The following DYNC1I1 variants were observed in gnomAD, a reference collection of about 807,000 sequenced individuals.
DYNC1I1 encodes cytoplasmic dynein 1 intermediate chain 1.
In DYNC1I1, 43 loss-of-function variants were observed where a neutral mutation model predicts 86.6. That is an observed-to-expected ratio of 0.50 (90% confidence interval 0.39 to 0.64). The LOEUF (loss-of-function observed/expected upper bound fraction) is 0.64. DYNC1I1 is among the 30% of genes least tolerant of loss of function. The pLI is 0.00. For synonymous variants in DYNC1I1, 262 were observed against 283.7 expected (o/e 0.92, Z 0.77); for missense variants, 604 against 788.8 (o/e 0.77, Z 2.81).
At chr7:96,004,562 T>G (rs1231079975) in intron 10 of DYNC1I1, among the ~76,000 whole-genome samples, 1 of 152,072 alleles carries the variant, frequency 6.6e-6, no homozygotes, top group Non-Finnish European at 1.5e-5. Context: ...CTTTAAAATG[T>G]TCATGATAAA....
chr7:95,868,574 C>G (rs1790076452), intron 5 of DYNC1I1, among the ~76,000 whole-genome samples: 1 of 151,364 alleles, frequency 6.6e-6, no homozygotes, highest in African/African-American at 2.4e-5. Context: ...TCTTTTTCTC[C>G]CACAGAGACG....
intron 1 of DYNC1I1, among the ~76,000 whole-genome samples, chr7:95,777,167 T>A (rs1793863246): frequency 1.3e-5 from 2 of 152,162 alleles, no homozygotes; most frequent in African/African-American, 4.8e-5. Context: ...AAGCCTAAAA[T>A]ATTATCAAAG....
intron 5 of DYNC1I1, among the ~76,000 whole-genome samples, chr7:95,854,357 A>G (rs555576414): frequency 1.3e-5 from 2 of 152,160 alleles, no homozygotes; most frequent in East Asian, 3.9e-4. Flanking sequence ...AAACATAGGT[A>G]TAGATAGTTT....
chr7:96,084,904 G>A (rs913674381), intron 16 of DYNC1I1, among the ~76,000 whole-genome samples: 1 of 152,086 alleles, frequency 6.6e-6, no homozygotes, highest in Admixed American at 6.5e-5. Flanking sequence ...ATAATTTGGG[G>A]AAAGATCTCT....
intron 6 of DYNC1I1, among the ~76,000 whole-genome samples, chr7:95,918,133 T>C (rs1025892817): frequency 6.6e-6 from 1 of 152,210 alleles, no homozygotes; most frequent in African/African-American, 2.4e-5. Flanking sequence ...CCTTTCTGCC[T>C]CCGTTTCCCT....
rs377010996 is a variant in DYNC1I1, at chr7:95,869,878, T to G, written c.375-5T>G. 5.6e-6 allele frequency: 9 copies of G among 1,612,526 alleles called. No homozygotes were observed. The highest frequency in any genetic ancestry group is 6.8e-6 in the Non-Finnish European group (8 of 1,179,426). On this transcript the variant is annotated splice_region_variant and splice_polypyrimidine_tract_variant and intron_variant, in intron 5 of 16. Coordinates refer to ENST00000447467, the MANE Select transcript of DYNC1I1 (RefSeq NM_001135556.2). The stretch of plus-strand genomic sequence containing the variant: ...CTCTAAGCATTTATTCTTTGTTACT[T>G]ACAGAAGAAGACTGCATAAACTGGG...
intron 1 of DYNC1I1, among the ~76,000 whole-genome samples, chr7:95,796,167 TTG>T (rs1209053379): frequency 1.3e-5 from 2 of 151,924 alleles, no homozygotes; most frequent in African/African-American, 2.4e-5. Flanking sequence ...TAACGCCCAT[TTG>T]TGTGTGTGTG....
At chr7:95,921,322 T>C (rs1264280914) in intron 6 of DYNC1I1, among the ~76,000 whole-genome samples, 1 of 152,194 alleles carries the variant, frequency 6.6e-6, no homozygotes, top group African/African-American at 2.4e-5. Context: ...ATTATGACTA[T>C]GAAAGTTCAA....
intron 2 of DYNC1I1, among the ~76,000 whole-genome samples, chr7:95,805,498 T>A (rs1472025060): frequency 6.6e-6 from 1 of 152,118 alleles, no homozygotes; most frequent in African/African-American, 2.4e-5. Context: ...GACTTTCCAC[T>A]GAGGCCTTTC....
intron 6 of DYNC1I1, among the ~76,000 whole-genome samples, chr7:95,977,233 A>T (rs1265470651): frequency 1.3e-5 from 2 of 152,188 alleles, no homozygotes; most frequent in African/African-American, 4.8e-5. Context: ...AGGCAATTCC[A>T]AGACATCCCA....
At chr7:95,892,556 C>T (rs1790771747) in intron 6 of DYNC1I1, among the ~76,000 whole-genome samples, 1 of 152,192 alleles carries the variant, frequency 6.6e-6, no homozygotes, top group Non-Finnish European at 1.5e-5. Flanking sequence ...CATGATCCTC[C>T]TGCCTCAGCC....
intron 6 of DYNC1I1, among the ~76,000 whole-genome samples, chr7:95,909,899 A>G (rs903792388): frequency 6.6e-6 from 1 of 151,972 alleles, no homozygotes; most frequent in Non-Finnish European, 1.5e-5. Flanking sequence ...CTCGTTCTCC[A>G]TCCTGTTTCA....
intron 16 of DYNC1I1, among the ~76,000 whole-genome samples, chr7:96,088,646 G>A (rs897705168): frequency 1.3e-5 from 2 of 152,118 alleles, no homozygotes; most frequent in Non-Finnish European, 2.9e-5. Context: ...TCTGTGAATC[G>A]AGATTAACCC....
At chr7:95,783,057 G>A (rs1319139302) in intron 1 of DYNC1I1, among the ~76,000 whole-genome samples, 1 of 152,114 alleles carries the variant, frequency 6.6e-6, no homozygotes, top group Non-Finnish European at 1.5e-5. Flanking sequence ...CGACATTTGG[G>A]CATGAAAACA....
At chr7:95,789,782 T>C (rs1396817209) in intron 1 of DYNC1I1, among the ~76,000 whole-genome samples, 3 of 152,246 alleles carry the variant, frequency 2.0e-5, no homozygotes, top group Non-Finnish European at 2.9e-5. Flanking sequence ...GAGATAAATT[T>C]AGAATTAAAA....
intron 14 of DYNC1I1, among the ~76,000 whole-genome samples, chr7:96,064,180 T>A (rs940812785): frequency 6.6e-6 from 1 of 151,270 alleles, no homozygotes; most frequent in Non-Finnish European, 1.5e-5. Flanking sequence ...ACCAAACATA[T>A]CAGAATATTT....
intron 6 of DYNC1I1, among the ~76,000 whole-genome samples, chr7:95,926,314 G>A (rs978358946): frequency 3.3e-5 from 5 of 151,980 alleles, no homozygotes; most frequent in Admixed American, 6.6e-5. Context: ...TATAAATTAA[G>A]ATGCATTTAT....
intron 16 of DYNC1I1, among the ~76,000 whole-genome samples, chr7:96,108,870 A>AAAAAT (rs1437990678): frequency 3.3e-5 from 5 of 151,930 alleles, no homozygotes; most frequent in Non-Finnish European, 7.4e-5. Flanking sequence ...CAAAAAAAAA[A>AAAAAT]AAAAAAAGAT....
chr7:95,982,656 C>G (rs1027069415), intron 7 of DYNC1I1, among the ~76,000 whole-genome samples: 1 of 152,090 alleles, frequency 6.6e-6, no homozygotes, highest in East Asian at 1.9e-4. Flanking sequence ...ATTCCTACTA[C>G]TTTGTTTAAT....
Sources: allele counts gnomAD v4.1 joint callset (sites outside exome capture counted in the v4.1 genomes callset), GRCh38; gene constraint gnomAD v4.1.1; transcripts MANE v1.5; gene names NCBI Gene and HGNC (gene_info 2026-07-23, HGNC 2026-07-21).